The following GLIPR1L1 variants were observed in gnomAD, a reference collection of about 807,000 sequenced individuals.
The protein encoded by GLIPR1L1 is GLIPR1 like 1.
GLIPR1L1 carries 26 observed loss-of-function variants against 29.9 expected under a neutral mutation model. The ratio of observed to expected loss-of-function variants is 0.87; its 90% CI spans 0.64 to 1.21. The LOEUF is 1.21. Ranked by LOEUF, GLIPR1L1 falls within the 50% of genes most tolerant of loss-of-function variation. The probability of loss-of-function intolerance (pLI) is 0.00; values close to 1 mark genes in which losing one functional copy is unlikely to be tolerated. For missense variants in GLIPR1L1, 305 were observed against 290.3 expected (o/e 1.05, Z -0.37); for synonymous variants, 77 against 97.5 (o/e 0.79, Z 1.24).
In GLIPR1L1 at chr12:75,363,136, G is replaced by T. The variant is rs1392398049; in HGVS notation, c.556G>T (p.Gly186Ter). Residue 186 changes from glycine to a stop codon, truncating the protein, a stop_gained, in exon 4 of 6, where the codon GGA becomes TGA. Coordinates refer to ENST00000378695, the MANE Select transcript of GLIPR1L1 (RefSeq NM_001304964.2). LOFTEE classifies it high-confidence loss of function. ...TGCAAATATGCCTCCTTACGTAAGAGGAGAATCTTGCTCTCTCTGCTCAAA... is the reference window on the plus strand; with the variant it reads ...TGCAAATATGCCTCCTTACGTAAGATGAGAATCTTGCTCTCTCTGCTCAAA... The part of the protein sequence containing the change: ...NFANMPPYVR[G>*]ESCSLCSKEE... The T allele has an allele frequency of 6.4e-7, 1 of 1,559,468 alleles. No individual in the cohort carries two copies. Among genetic ancestry groups the T allele is most frequent in the Admixed American group, 2.1e-5 (1 of 48,578 alleles).
At chr12:75,350,544 G>A (rs908261659) in intron 3 of GLIPR1L1, among the ~76,000 whole-genome samples, 15 of 152,288 alleles carry the variant, frequency 9.8e-5, no homozygotes, top group Middle Eastern at 6.8e-3. Context: ...ATACTTCCAG[G>A]TGTCAGAGGG....
In GLIPR1L1 at chr12:75,363,242, T is replaced by A. The variant is rs116047556; in HGVS notation, c.610+52T>A. The stretch of plus-strand genomic sequence containing the variant: ...ACATTTAGAGAGTAAAGTTTCCATA[T>A]ATTTATTAAATTTTAAAATTTGGCT... On this transcript the variant is annotated intron_variant, in intron 4 of 5. Coordinates refer to ENST00000378695, the MANE Select transcript of GLIPR1L1 (RefSeq NM_001304964.2). 1,170 of 850,216 alleles carry A rather than the reference T, an allele frequency of 1.4e-3. 16 individuals carry two copies. In the African/African-American group the frequency reaches 0.02, roughly 14 times the overall value. The allele number at this position is 850,216 out of a possible 1,614,324, so 52.7% of individuals were successfully genotyped here.
chr12:75,346,768 T>C (rs747372117), intron 2 of GLIPR1L1, among the ~76,000 whole-genome samples: 2 of 152,198 alleles, frequency 1.3e-5, no homozygotes, highest in Non-Finnish European at 2.9e-5. Flanking sequence ...GACAAGGCTA[T>C]AGAAAACAAT....
At chr12:75,361,462 C>G (rs2043587111) in intron 3 of GLIPR1L1, among the ~76,000 whole-genome samples, 1 of 152,208 alleles carries the variant, frequency 6.6e-6, no homozygotes. Context: ...GCCTAGGCAT[C>G]TGGCTGCCTC....
chr12:75,341,439 CTTTT>C (rs1302519489), intron 1 of GLIPR1L1, among the ~76,000 whole-genome samples: 1 of 151,428 alleles, frequency 6.6e-6, no homozygotes, highest in African/African-American at 2.4e-5. Flanking sequence ...ATATAACATT[CTTTT>C]TTTCTTTTTC....
In GLIPR1L1 at chr12:75,334,673, C is replaced by G; in HGVS notation, c.-56C>G. The stretch of plus-strand genomic sequence containing the variant: ...GGGGGCGTGGGGAAATCGGGTTGCC[C>G]CAGCCGTTACTGGTCCGCGCAGTCA... On this transcript the variant is annotated 5_prime_UTR_variant, in exon 1 of 6. Transcript: ENST00000378695. 1 of 1,572,850 alleles carries G rather than the reference C, an allele frequency of 6.4e-7. No homozygotes were observed.
chr12:75,355,167 G>T (rs1453463110), intron 3 of GLIPR1L1, among the ~76,000 whole-genome samples: 1 of 152,134 alleles, frequency 6.6e-6, no homozygotes, highest in Non-Finnish European at 1.5e-5. Context: ...CACAGCAAAA[G>T]AAACTATCAT....
chr12:75,366,894 A>G (rs1308106453), intron 4 of GLIPR1L1: 1 of 701,744 alleles, frequency 1.4e-6, no homozygotes, highest in Non-Finnish European at 2.6e-6. Context: ...GGTTCCCTGT[A>G]GGGCCACTGC....
rs1444739257 is a variant in GLIPR1L1, at chr12:75,370,330, C to T, written c.*154C>T. ...GTTTGTTTTTAACTCAAAAAATGTACTGTAGTATGGAAAATGGATAGCAGT... is the reference window on the plus strand; with the variant it reads ...GTTTGTTTTTAACTCAAAAAATGTATTGTAGTATGGAAAATGGATAGCAGT... On this transcript the variant is annotated 3_prime_UTR_variant, in exon 6 of 6. Transcript: ENST00000378695. 9.2e-6 allele frequency: 5 copies of T among 541,132 alleles called. No homozygotes were observed. In the Admixed American group the frequency reaches 9.3e-5, roughly 10 times the overall value. The allele number at this position is 541,132 out of a possible 1,614,324, so 33.5% of individuals were successfully genotyped here.
At chr12:75,365,454 A>G (rs2043901832) in intron 4 of GLIPR1L1, among the ~76,000 whole-genome samples, 1 of 152,212 alleles carries the variant, frequency 6.6e-6, no homozygotes, top group Non-Finnish European at 1.5e-5. Flanking sequence ...TAGCCAAGAG[A>G]TAATTCATAA....
chr12:75,343,767 G>A lies in GLIPR1L1; in HGVS notation c.249G>A (p.Leu83=), dbSNP rs2042268513. Residue 83 remains leucine (L), a synonymous_variant, in exon 2 of 6, where the codon TTG becomes TTA. Transcript: ENST00000378695. ...NQCKFEHNDC[L]DKSYKCYAAF... is the part of the protein sequence containing the mutation. Reference sequence around the variant, plus strand: ...GCAAATTTGAACATAATGACTGTTTGGATAAATCATATAAATGCTATGCAG... The same window carrying A: ...GCAAATTTGAACATAATGACTGTTTAGATAAATCATATAAATGCTATGCAG... The A allele has an allele frequency of 1.2e-6, 2 of 1,612,794 alleles. No individual in the cohort carries two copies. Among genetic ancestry groups the A allele is most frequent in the East Asian group, 4.5e-5 (2 of 44,802 alleles).
chr12:75,347,493 AT>A, intron 2 of GLIPR1L1, 128 bp from the exon 3 acceptor site: 1 of 430,334 alleles, frequency 2.3e-6, no homozygotes, highest in Non-Finnish European at 4.1e-6. Context: ...ATTAGAAAAA[AT>A]ATGTAACTAA....
intron 3 of GLIPR1L1, among the ~76,000 whole-genome samples, chr12:75,356,092 T>C (rs1230807621): frequency 6.6e-6 from 1 of 151,982 alleles, no homozygotes; most frequent in Non-Finnish European, 1.5e-5. Flanking sequence ...CATTTACCTA[T>C]GTCACAAACC....
At position 75,363,107 on chromosome 12, in the gene GLIPR1L1, A is replaced by AT; in HGVS notation, c.531dup (p.Ala178CysfsTer35). On this transcript the variant is annotated frameshift_variant, in exon 4 of 6. Coordinates refer to ENST00000378695, the MANE Select transcript of GLIPR1L1 (RefSeq NM_001304964.2). LOFTEE classifies it high-confidence loss of function. ...AATGTTTCTCTTTTTTACAGAGGAAATTTTGCAAATATGCCTCCTTACGTA... is the reference window on the plus strand; with the variant it reads ...AATGTTTCTCTTTTTTACAGAGGAAATTTTTGCAAATATGCCTCCTTACGTA... The AT allele has an allele frequency of 6.5e-7, 1 of 1,540,874 alleles. No homozygotes were observed. The highest frequency in any genetic ancestry group is 8.7e-7 in the Non-Finnish European group (1 of 1,146,090).
At position 75,334,826 on chromosome 12, in the gene GLIPR1L1, T is replaced by C. The variant is rs1283494935; in HGVS notation, c.98T>C (p.Phe33Ser). 1.2e-6 allele frequency: 2 copies of C among 1,613,968 alleles called. No homozygotes were observed. Among genetic ancestry groups the C allele is most frequent in the Non-Finnish European group, 1.7e-6 (2 of 1,180,008 alleles). ...SKIPSITDPH[F>S]IDNCIEAHNE... ...ATCCCATCCATCACTGACCCACACT[T>C]TATAGACAACTGCATAGAAGCCCAC... Residue 33 changes from phenylalanine to serine, a missense_variant, in exon 1 of 6, where the codon TTT (phenylalanine) becomes TCT (serine). Physicochemically the swap from Phe to Ser is radical, Grantham distance 155. Coordinates refer to ENST00000378695, the MANE Select transcript of GLIPR1L1 (RefSeq NM_001304964.2).
intron 4 of GLIPR1L1, chr12:75,366,889 CCTGTAGGGCCA>C (rs1045539749): frequency 2.9e-6 from 2 of 701,384 alleles, no homozygotes; most frequent in African/African-American, 1.8e-5. Context: ...TTGAGGGTTC[CCTGTAGGGCCA>C]CTGCATGTCA....
Position 75,343,847 on chromosome 12 carries a change from C to T in GLIPR1L1, c.329C>T (p.Pro110Leu). 1 of 1,612,650 alleles carries T rather than the reference C, an allele frequency of 6.2e-7. No homozygotes were observed. Among genetic ancestry groups the T allele is most frequent in the Non-Finnish European group, 8.5e-7 (1 of 1,178,940 alleles). Residue 110 changes from proline to leucine, a missense_variant, in exon 2 of 6, where the codon CCA becomes CTA. By Grantham distance (98) the Pro-to-Leu change is moderately conservative. Transcript: ENST00000378695. ...TTAGGTGGAATAAAGTCATTCACAC[C>T]AAGACATGCCATTACGGCTTGGTAT... ...IWLGGIKSFT[P>L]RHAITAWYNE...
At chr12:75,354,961 C>A (rs2043055936) in intron 3 of GLIPR1L1, among the ~76,000 whole-genome samples, 1 of 152,170 alleles carries the variant, frequency 6.6e-6, no homozygotes, top group Non-Finnish European at 1.5e-5. Context: ...CTTCCTTACA[C>A]CTTATACAAA....
In GLIPR1L1 at chr12:75,370,433, T is replaced by A. The variant is rs2044286798; in HGVS notation, c.*257T>A. ...AGTGTTCCACTCTTTAATTTTCTAA[T>A]GAGAATGGATTATCATTTTAGTTAT... On this transcript the variant is annotated 3_prime_UTR_variant, in exon 6 of 6. Transcript: ENST00000378695. 1 of 275,628 alleles carries A rather than the reference T, an allele frequency of 3.6e-6. No homozygotes were observed. The allele number at this position is 275,628 out of a possible 1,614,324, so 17.1% of individuals were successfully genotyped here.
Sources: gnomAD v4.1 joint callset for allele counts (sites outside exome capture counted in the v4.1 genomes callset) on GRCh38, gnomAD v4.1.1 for gene constraint, MANE v1.5 for transcripts, NCBI Gene and HGNC (gene_info 2026-07-23, HGNC 2026-07-21) for gene names.